Variants in SMYD3 observed in about 807,000 individuals in gnomAD.
SMYD3 encodes the protein SET and MYND domain containing 3.
Under a neutral mutation model 57.7 loss-of-function variants are expected in SMYD3, and 36 were observed. The ratio of observed to expected loss-of-function variants is 0.62; its 90% CI spans 0.48 to 0.82. SMYD3 has a LOEUF of 0.82. Ranked by LOEUF, SMYD3 falls within the 40% of genes least tolerant of loss-of-function variation. The probability of loss-of-function intolerance (pLI) is 0.00; values close to 1 mark genes in which losing one functional copy is unlikely to be tolerated. For synonymous variants in SMYD3, 211 were observed against 195.0 expected (o/e 1.08, Z -0.68); for missense variants, 515 against 538.8 (o/e 0.96, Z 0.44).
chr1:246,093,399 T>C (rs1346590502), intron 5 of SMYD3, among the ~76,000 whole-genome samples: 2 of 152,026 alleles, frequency 1.3e-5, no homozygotes, highest in African/African-American at 2.4e-5. Context: ...ATAAAGAAAA[T>C]ATAATGCATA....
At chr1:245,782,145 T>C (rs902720840) in intron 10 of SMYD3, among the ~76,000 whole-genome samples, 4 of 152,138 alleles carry the variant, frequency 2.6e-5, no homozygotes, top group African/African-American at 7.2e-5. Context: ...TCCTTCTACA[T>C]TGTGGAAGGG....
intron 2 of SMYD3, among the ~76,000 whole-genome samples, chr1:246,342,413 T>C (rs2065646992): frequency 6.6e-6 from 1 of 152,202 alleles, no homozygotes; most frequent in African/African-American, 2.4e-5. Flanking sequence ...AAATAAATAA[T>C]GCCTCCTCCT....
intron 1 of SMYD3, among the ~76,000 whole-genome samples, chr1:246,474,230 T>C (rs1033284062): frequency 6.6e-6 from 1 of 152,080 alleles, no homozygotes; most frequent in Admixed American, 6.6e-5. Flanking sequence ...TATAGAAATT[T>C]AGAAGTGGGC....
Position 246,453,547 on chromosome 1 carries a change from T to TA in SMYD3, c.164+53506dup, listed in dbSNP as rs961225736. 1.2e-4 allele frequency among the ~76,000 whole-genome samples: 18 copies of TA among 152,278 alleles called. No homozygotes were observed. The South Asian group carries it at 3.1e-3, about 26-fold the overall frequency. On this transcript the variant is annotated intron_variant, in intron 1 of 11. Transcript: ENST00000490107. Reference sequence around the variant, plus strand: ...AATAAGTAGATAGTTCCTATTTGAATAAAAAATTACAACCCTGCTGGTTTA... The same window carrying TA: ...AATAAGTAGATAGTTCCTATTTGAATAAAAAAATTACAACCCTGCTGGTTTA...
intron 8 of SMYD3, among the ~76,000 whole-genome samples, chr1:245,891,731 A>C (rs1490696879): frequency 1.7e-5 from 1 of 59,880 alleles, no homozygotes; most frequent in African/African-American, 6.8e-5. Context: ...GGAGCAAGCC[A>C]GGAAGAATAC....
At position 246,056,207 on chromosome 1, in the gene SMYD3, GA is replaced by G. The variant is rs1005483391; in HGVS notation, c.532-126271del. Among the ~76,000 whole-genome samples the G allele has an allele frequency of 3.2e-4, 48 of 151,870 alleles. 1 individual carries two copies. Among genetic ancestry groups the G allele is most frequent in the African/African-American group, 1.1e-3 (46 of 41,430 alleles). ...TATTGCTCAATAAAGTTGATGAGGG[GA>G]AAAAAAGACACTAGCAAATTAGCAA... On this transcript the variant is annotated intron_variant, in intron 5 of 11. Transcript: ENST00000490107.
chr1:245,854,176 G>T (rs1302969360), intron 10 of SMYD3, among the ~76,000 whole-genome samples: 2 of 152,216 alleles, frequency 1.3e-5, no homozygotes, highest in Non-Finnish European at 1.5e-5. Context: ...AATGGCTTTA[G>T]ATCAGAAACA....
intron 8 of SMYD3, among the ~76,000 whole-genome samples, chr1:245,910,709 A>T (rs6701607): frequency 0.075 from 11,445 of 152,156 alleles, 929 homozygotes; most frequent in African/African-American, 0.19. Context: ...GCAAAAGAAT[A>T]AAACTAGACC....
At chr1:245,961,766 G>A (rs933832802) in intron 5 of SMYD3, among the ~76,000 whole-genome samples, 3 of 152,024 alleles carry the variant, frequency 2.0e-5, no homozygotes, top group South Asian at 4.1e-4. Flanking sequence ...ATGCCCCTTC[G>A]ACACATGTTA....
chr1:246,092,913 C>T (rs759200454), intron 5 of SMYD3, among the ~76,000 whole-genome samples: 2 of 151,190 alleles, frequency 1.3e-5, no homozygotes, highest in Non-Finnish European at 2.9e-5. Flanking sequence ...AAAAAAACCA[C>T]CAAAAGCAGG....
chr1:246,341,351 T>C (rs2065630833), intron 2 of SMYD3, among the ~76,000 whole-genome samples: 2 of 152,230 alleles, frequency 1.3e-5, no homozygotes, highest in African/African-American at 4.8e-5. Context: ...AACTGTTCTG[T>C]AATGCTGATG....
At chr1:245,839,359 C>T (rs56836239) in intron 10 of SMYD3, among the ~76,000 whole-genome samples, 2,981 of 151,698 alleles carry the variant, frequency 0.02, 98 homozygotes, top group African/African-American at 0.068. Flanking sequence ...TTAGTAGAGA[C>T]GGGGTTTCAC....
chr1:246,020,985 T>C (rs572231123), intron 5 of SMYD3, among the ~76,000 whole-genome samples: 3 of 152,316 alleles, frequency 2.0e-5, no homozygotes, highest in South Asian at 2.1e-4. Context: ...CAAACGTGTA[T>C]AGGTTTGTCT....
At chr1:246,188,819 G>C (rs1416828938) in intron 5 of SMYD3, among the ~76,000 whole-genome samples, 1 of 152,002 alleles carries the variant, frequency 6.6e-6, no homozygotes, top group Non-Finnish European at 1.5e-5. Context: ...AAAAGAGCCA[G>C]GCATGGTGGT....
chr1:246,223,347 A>T (rs1445703117), intron 5 of SMYD3, among the ~76,000 whole-genome samples: 1 of 152,104 alleles, frequency 6.6e-6, no homozygotes, highest in East Asian at 1.9e-4. Context: ...GGGATGACAG[A>T]AAGAATTAAT....
At chr1:245,809,714 G>C (rs2048359780) in intron 10 of SMYD3, among the ~76,000 whole-genome samples, 1 of 152,160 alleles carries the variant, frequency 6.6e-6, no homozygotes, top group Non-Finnish European at 1.5e-5. Flanking sequence ...GACAAAAAGG[G>C]GACAATGAAA....
In SMYD3 at chr1:245,893,026, AAG is replaced by A. The variant is rs1358770860; in HGVS notation, c.813+22502_813+22503del. Among the ~76,000 whole-genome samples the A allele has an allele frequency of 3.3e-5, 5 of 152,368 alleles. 1 individual carries two copies. The South Asian group carries it at 1.0e-3, about 32-fold the overall frequency. ...GGATAAAGAACTCTCAAAACTCAGT[AAG>A]AAAACACCCAATTTTTAAAATAGGC... On this transcript the variant is annotated intron_variant, in intron 8 of 11. Coordinates refer to ENST00000490107, the MANE Select transcript of SMYD3 (RefSeq NM_001167740.2).
At chr1:246,295,940 TTCAAAGG>T (rs1254662993) in intron 5 of SMYD3, among the ~76,000 whole-genome samples, 1 of 152,184 alleles carries the variant, frequency 6.6e-6, no homozygotes, top group Non-Finnish European at 1.5e-5. Flanking sequence ...TCACAGAAAA[TTCAAAGG>T]TTTGATTTGG....
chr1:246,333,979 T>C (rs966389937), intron 3 of SMYD3, among the ~76,000 whole-genome samples: 2 of 151,996 alleles, frequency 1.3e-5, no homozygotes, highest in Non-Finnish European at 2.9e-5. Flanking sequence ...AAAAATGCTC[T>C]ACGTTACTAA....
Sources: allele counts gnomAD v4.1 joint callset (sites outside exome capture counted in the v4.1 genomes callset), GRCh38; gene constraint gnomAD v4.1.1; transcripts MANE v1.5; gene names NCBI Gene and HGNC (gene_info 2026-07-23, HGNC 2026-07-21).